The following ADGRV1 variants were observed in gnomAD, a reference collection of about 807,000 sequenced individuals.
ADGRV1 encodes G-protein coupled receptor 98.
Under a neutral mutation model 596.2 loss-of-function variants are expected in ADGRV1, and 359 were observed. That is an observed-to-expected ratio of 0.60 (90% CI 0.55 to 0.66). The LOEUF (loss-of-function observed/expected upper bound fraction) is 0.66. Among genes scored for constraint, ADGRV1 ranks in the 30% least tolerant of loss-of-function variants. The probability of loss-of-function intolerance (pLI) is 0.00; values close to 1 mark genes in which losing one functional copy is unlikely to be tolerated. For missense variants in ADGRV1, 7,274 were observed against 7,575.6 expected, an observed-to-expected ratio of 0.96 and a Z score of 1.48; for synonymous variants, 2,681 against 2,679.2, an observed-to-expected ratio of 1.00 and a Z score of -0.02.
Position 90,721,526 on chromosome 5 carries a change from A to T in ADGRV1, c.9748+467A>T, listed in dbSNP as rs374552445. ...CTAAAAAATAAAATAAAATAAAATA[A>T]AAATAAAAATAAAATAAAATAAAAT... On this transcript the variant is annotated intron_variant, in intron 45 of 89. Coordinates refer to ENST00000405460, the MANE Select transcript of ADGRV1 (RefSeq NM_032119.4). Among the ~76,000 whole-genome samples, 90 of 66,234 alleles carry T rather than the reference A, an allele frequency of 1.4e-3. 7 individuals are homozygous for T. Among genetic ancestry groups the T allele is most frequent in the African/African-American group, 2.4e-3 (23 of 9,472 alleles). 43.5% of individuals were successfully genotyped at this position (66,234 alleles called of 152,430 possible).
chr5:90,578,025 G>C (rs571543119), intron 1 of ADGRV1, among the ~76,000 whole-genome samples: 1 of 152,186 alleles, frequency 6.6e-6, no homozygotes, highest in South Asian at 2.1e-4. Context: ...GGGATGATGG[G>C]GTTTTCTAAA....
At chr5:90,660,706 AT>A (rs1417802802) in intron 21 of ADGRV1, among the ~76,000 whole-genome samples, 1 of 152,198 alleles carries the variant, frequency 6.6e-6, no homozygotes, top group East Asian at 1.9e-4. Flanking sequence ...CCCCTTGTCT[AT>A]TTTAAATTGA....
At chr5:90,861,831 G>A (rs1233227008) in intron 82 of ADGRV1, among the ~76,000 whole-genome samples, 5 of 152,056 alleles carry the variant, frequency 3.3e-5, no homozygotes, top group Non-Finnish European at 5.9e-5. Flanking sequence ...TGAAATAATT[G>A]TTTCTTTAAA....
chr5:90,810,047 C>G (rs1762292435), intron 73 of ADGRV1, among the ~76,000 whole-genome samples, 186 bp from the exon 74 acceptor site: 1 of 152,178 alleles, frequency 6.6e-6, no homozygotes, highest in Non-Finnish European at 1.5e-5. Flanking sequence ...TTTTGCAGCT[C>G]CTGTTCTTAC....
At chr5:90,802,601 G>T (rs1581171393) in intron 70 of ADGRV1, 138 bp from the exon 71 acceptor site, 1 of 683,412 alleles carries the variant, frequency 1.5e-6, no homozygotes, top group East Asian at 2.8e-5. Context: ...GGTTTGTTTT[G>T]TGATGGGGAA....
rs1765120294 is a variant in ADGRV1 at position 90,628,722 on chromosome 5, A to G, written c.1399A>G (p.Ile467Val). 2 of 1,614,034 alleles carry G rather than the reference A, an allele frequency of 1.2e-6. No homozygotes were observed. The highest frequency in any genetic ancestry group is 1.1e-5 in the South Asian group (1 of 91,088). ...TGCACAAGGGCAGATGTTGGCAACA[A>G]TTCCTCTTACTGTGGTTGATGATGA... ...HFAQGQMLATIPLTVVDDDLP... is the reference protein window; with the variant it reads ...HFAQGQMLATVPLTVVDDDLP... Residue 467 changes from isoleucine to valine, a missense_variant, in exon 8 of 90, where the codon ATT becomes GTT. By Grantham distance (29) the Ile-to-Val change is conservative. This residue lies in a region of ADGRV1 where 1,715 missense variants were observed against 1,708.8 expected (regional missense o/e 1.00). Coordinates refer to ENST00000405460, the MANE Select transcript of ADGRV1 (RefSeq NM_032119.4).
intron 82 of ADGRV1, among the ~76,000 whole-genome samples, chr5:90,858,321 C>T (rs1767223615): frequency 2.0e-5 from 3 of 152,106 alleles, no homozygotes; most frequent in Admixed American, 2.0e-4. Context: ...GAAACTTCAG[C>T]ATGGTTTGAG....
At chr5:90,655,454 T>C (rs1769265538) in intron 20 of ADGRV1, 1 of 152,198 alleles carries the variant, frequency 6.6e-6, no homozygotes, top group Non-Finnish European at 1.5e-5. Flanking sequence ...AATTTCTGTT[T>C]TGGTTGTTTT....
chr5:90,558,823 A>G lies in ADGRV1; in HGVS notation c.-73A>G, dbSNP rs551948481. On this transcript the variant is annotated 5_prime_UTR_variant, in exon 1 of 90. Transcript: ENST00000405460. ...GTAGTAAGAATCAGCAGCGCGGGCA[A>G]GGAGTACGGACGGGAGTCAGAGGCA... The G allele has an allele frequency of 1.6e-4, 227 of 1,449,208 alleles. 1 individual carries two copies. The highest frequency in any genetic ancestry group is 2.0e-4 in the Non-Finnish European group (213 of 1,052,808). The allele number at this position is 1,449,208 out of a possible 1,614,324, so 89.8% of individuals were successfully genotyped here. A position where few individuals can be genotyped will look rare whatever the true frequency, so the allele number is the denominator to read the frequency against.
chr5:91,073,336 C>T (rs1402222110), intron 86 of ADGRV1, among the ~76,000 whole-genome samples: 1 of 152,108 alleles, frequency 6.6e-6, no homozygotes, highest in Non-Finnish European at 1.5e-5. Flanking sequence ...CCTCTTGGGC[C>T]AATGAGGAAC....
chr5:90,798,049 G>A (rs890477320), intron 70 of ADGRV1, among the ~76,000 whole-genome samples: 29 of 152,092 alleles, frequency 1.9e-4, no homozygotes, highest in African/African-American at 7.0e-4. Context: ...TCAAAAGCTA[G>A]CAGAAGACAA....
Position 91,140,590 on chromosome 5 carries a change from C to A in ADGRV1, c.18433-9440C>A, listed in dbSNP as rs1795015489. ...TAAAAAATTATCCTTGGATGCCAAA[C>A]CTTTTCTATATTATTAAGTCCCACC... is the stretch of plus-strand genomic sequence containing the variant. On this transcript the variant is annotated intron_variant, in intron 87 of 89. Coordinates refer to ENST00000405460, the MANE Select transcript of ADGRV1 (RefSeq NM_032119.4). 3.9e-5 allele frequency among the ~76,000 whole-genome samples: 6 copies of A among 152,230 alleles called. No homozygotes were observed. The South Asian group carries it at 1.2e-3, about 32-fold the overall frequency.
rs141819171 is a variant in ADGRV1 at position 91,108,325 on chromosome 5, C to T, written c.18432+5985C>T. Among the ~76,000 whole-genome samples the T allele has an allele frequency of 9.2e-5, 14 of 152,176 alleles. No individual in the cohort carries two copies. In the East Asian group the frequency reaches 2.3e-3, roughly 25 times the overall value. On this transcript the variant is annotated intron_variant, in intron 87 of 89. Coordinates refer to ENST00000405460, the MANE Select transcript of ADGRV1 (RefSeq NM_032119.4). Reference sequence around the variant, plus strand: ...GTTTTTTTACCCCCCGAATGGCTTTCATATTTCTCTACTGATTTTATCAAC... The same window carrying T: ...GTTTTTTTACCCCCCGAATGGCTTTTATATTTCTCTACTGATTTTATCAAC...
chr5:90,721,460 T>C lies in ADGRV1; in HGVS notation c.9748+401T>C, dbSNP rs865939906. ...CGGAGCTTGCAGTGAGCCGAGATCG[T>C]GCCACTGCACTCCAGCCTGGTCAAC... On this transcript the variant is annotated intron_variant, in intron 45 of 89. Transcript: ENST00000405460. Among the ~76,000 whole-genome samples the C allele has an allele frequency of 4.0e-5, 6 of 150,300 alleles. No homozygotes were observed. The South Asian group carries it at 8.4e-4, about 21-fold the overall frequency.
At chr5:90,947,974 A>G (rs939496080) in intron 83 of ADGRV1, among the ~76,000 whole-genome samples, 2 of 152,142 alleles carry the variant, frequency 1.3e-5, no homozygotes, top group Non-Finnish European at 2.9e-5. Flanking sequence ...TTTGGCAAAG[A>G]TGTAGCCCCA....
At chr5:91,104,579 C>T (rs191560689) in intron 87 of ADGRV1, among the ~76,000 whole-genome samples, 64 of 152,180 alleles carry the variant, frequency 4.2e-4, no homozygotes, top group African/African-American at 1.4e-3. Context: ...TCTCCCTATC[C>T]CCTTTTTCCC....
At chr5:90,874,655 A>AT (rs754202162) in intron 83 of ADGRV1, among the ~76,000 whole-genome samples, 15 of 151,888 alleles carry the variant, frequency 9.9e-5, no homozygotes, top group Admixed American at 1.3e-4. Context: ...AGGTCAGGAG[A>AT]TCGAGACCAT....
intron 83 of ADGRV1, among the ~76,000 whole-genome samples, chr5:90,875,368 C>G (rs933237507): frequency 6.6e-6 from 1 of 152,188 alleles, no homozygotes; most frequent in Non-Finnish European, 1.5e-5. Flanking sequence ...AGATCTCAAG[C>G]CAGCCACCAA....
chr5:90,957,960 T>A (rs189324800), intron 83 of ADGRV1, among the ~76,000 whole-genome samples: 7 of 151,828 alleles, frequency 4.6e-5, no homozygotes, highest in Admixed American at 1.3e-4. Flanking sequence ...ATCCCAATAA[T>A]GCAAGGATGA....
Sources: allele counts gnomAD v4.1 joint callset (sites outside exome capture counted in the v4.1 genomes callset), GRCh38; gene constraint gnomAD v4.1.1; regional missense constraint gnomAD v4.1.1; transcripts MANE v1.5; gene names NCBI Gene and HGNC (gene_info 2026-07-23, HGNC 2026-07-21).